The following CDH13 variants were observed in gnomAD, a reference collection of about 807,000 sequenced individuals.
The protein encoded by CDH13 is cadherin 13.
Under a neutral mutation model 63.8 loss-of-function variants are expected in CDH13, and 24 were observed. The ratio of observed to expected loss-of-function variants is 0.38; its 90% CI spans 0.27 to 0.53. The LOEUF (loss-of-function observed/expected upper bound fraction) is 0.53. CDH13 is among the 20% of genes least tolerant of loss of function. The probability of loss-of-function intolerance (pLI) is 0.85; values close to 1 mark genes in which losing one functional copy is unlikely to be tolerated. For missense variants in CDH13, 1,049 were observed against 903.1 expected (o/e 1.16, Z -2.07); for synonymous variants, 503 against 355.3 (o/e 1.42, Z -4.67).
intron 11 of CDH13, among the ~76,000 whole-genome samples, chr16:83,772,136 A>G (rs1374890718): frequency 6.6e-6 from 1 of 152,212 alleles, no homozygotes; most frequent in Non-Finnish European, 1.5e-5. Context: ...ATCCATGTAT[A>G]CAAATAGACT....
At chr16:82,955,151 A>G (rs931077888) in intron 2 of CDH13, among the ~76,000 whole-genome samples, 1 of 152,184 alleles carries the variant, frequency 6.6e-6, no homozygotes, top group African/African-American at 2.4e-5. Flanking sequence ...TTGCTAGGTT[A>G]TCGGCAACTC....
At chr16:83,140,685 C>T (rs1387458805) in intron 4 of CDH13, among the ~76,000 whole-genome samples, 1 of 152,178 alleles carries the variant, frequency 6.6e-6, no homozygotes, top group Non-Finnish European at 1.5e-5. Context: ...GAACTCCTGA[C>T]CTCAGGTGAT....
intron 2 of CDH13, among the ~76,000 whole-genome samples, chr16:82,922,786 C>T (rs1161769369): frequency 6.6e-6 from 1 of 152,174 alleles, no homozygotes; most frequent in Non-Finnish European, 1.5e-5. Context: ...TGGTGAGCCA[C>T]TAGCTAGTCT....
chr16:83,496,204 C>A (rs550469459), intron 7 of CDH13, among the ~76,000 whole-genome samples: 6 of 151,772 alleles, frequency 4.0e-5, no homozygotes, highest in Non-Finnish European at 7.4e-5. Context: ...ATCGCCAAGT[C>A]AATCCTAAGC....
intron 1 of CDH13, among the ~76,000 whole-genome samples, chr16:82,773,956 T>G (rs1222523240): frequency 2.0e-5 from 3 of 152,050 alleles, no homozygotes; most frequent in African/African-American, 7.2e-5. Context: ...GCTGATTTTT[T>G]GTGTTTTTGG....
chr16:83,272,402 G>T (rs762270642), intron 5 of CDH13, among the ~76,000 whole-genome samples: 1 of 152,206 alleles, frequency 6.6e-6, no homozygotes. Context: ...TCCAGGCAGA[G>T]TGAATATTTG....
At chr16:82,763,965 G>T (rs1293231997) in intron 1 of CDH13, among the ~76,000 whole-genome samples, 1 of 152,190 alleles carries the variant, frequency 6.6e-6, no homozygotes, top group African/African-American at 2.4e-5. Flanking sequence ...GAGCCACTGT[G>T]CCTGGCCATC....
At chr16:83,594,667 T>C (rs1168080885) in intron 7 of CDH13, among the ~76,000 whole-genome samples, 1 of 152,176 alleles carries the variant, frequency 6.6e-6, no homozygotes, top group Non-Finnish European at 1.5e-5. Context: ...GAGAGAGAGA[T>C]GGGGTACTGT....
chr16:82,900,679 A>G (rs2041435543), intron 2 of CDH13, among the ~76,000 whole-genome samples: 1 of 152,192 alleles, frequency 6.6e-6, no homozygotes, highest in African/African-American at 2.4e-5. Flanking sequence ...CCCCGAGGAG[A>G]CGGGAGGGAT....
chr16:83,501,298 A>G (rs2074277951), intron 7 of CDH13, among the ~76,000 whole-genome samples: 1 of 152,222 alleles, frequency 6.6e-6, no homozygotes, highest in African/African-American at 2.4e-5. Flanking sequence ...ATGGGCCTTA[A>G]AACTGGGAAC....
intron 5 of CDH13, among the ~76,000 whole-genome samples, chr16:83,224,019 T>G (rs1597549121): frequency 6.6e-6 from 1 of 152,208 alleles, no homozygotes; most frequent in African/African-American, 2.4e-5. Flanking sequence ...GTCCCCAAAG[T>G]CCATTGTATC....
intron 3 of CDH13, among the ~76,000 whole-genome samples, chr16:83,060,309 T>C (rs927831126): frequency 3.3e-5 from 5 of 152,054 alleles, no homozygotes; most frequent in South Asian, 2.1e-4. Context: ...AGCTGAAAAA[T>C]TGTGGATGTT....
At chr16:83,541,835 C>G (rs1261581447) in intron 7 of CDH13, among the ~76,000 whole-genome samples, 2 of 152,228 alleles carry the variant, frequency 1.3e-5, no homozygotes, top group Non-Finnish European at 2.9e-5. Context: ...AAGGTCTTCT[C>G]CTATGAGAAT....
rs1223758057 is a variant in CDH13 at position 83,780,163 on chromosome 16, C to G, written c.1877C>G (p.Ala626Gly). The G allele has an allele frequency of 6.2e-7, 1 of 1,609,214 alleles. No homozygotes were observed. Among genetic ancestry groups the G allele is most frequent in the Non-Finnish European group, 8.5e-7 (1 of 1,177,470 alleles). Residue 626 changes from alanine (A) to glycine (G), a missense_variant, in exon 12 of 14, where the codon GCT becomes GGT. Coordinates refer to ENST00000567109, the MANE Select transcript of CDH13 (RefSeq NM_001257.5). ...DPFKFEIHKQ[A>G]VPDKVWKISK... ...TTCAAATTTGAAATCCACAAACAAG[C>G]TGTTCCTGATAAAGTCTGGAAGATC...
At chr16:83,050,890 T>G (rs1464636606) in intron 3 of CDH13, among the ~76,000 whole-genome samples, 1 of 152,100 alleles carries the variant, frequency 6.6e-6, no homozygotes, top group Non-Finnish European at 1.5e-5. Context: ...CCCACCACCT[T>G]GTATTTGTCT....
At chr16:83,784,074 T>C (rs1194001027) in intron 13 of CDH13, among the ~76,000 whole-genome samples, 1 of 152,238 alleles carries the variant, frequency 6.6e-6, no homozygotes, top group Non-Finnish European at 1.5e-5. Flanking sequence ...ATATTCCTTA[T>C]TTATGAAATA....
At chr16:82,851,404 C>T (rs945645657) in intron 1 of CDH13, among the ~76,000 whole-genome samples, 1 of 145,780 alleles carries the variant, frequency 6.9e-6, no homozygotes, top group African/African-American at 2.5e-5. Flanking sequence ...CTCTGCACTC[C>T]AGCCTGGGTG....
intron 7 of CDH13, among the ~76,000 whole-genome samples, chr16:83,528,161 CAT>C (rs1326928801): frequency 6.6e-6 from 1 of 152,184 alleles, no homozygotes; most frequent in Non-Finnish European, 1.5e-5. Context: ...GATAACTAAA[CAT>C]ATTCAGCTTT....
chr16:83,004,889 G>C (rs1029556475), intron 2 of CDH13, among the ~76,000 whole-genome samples: 1 of 152,222 alleles, frequency 6.6e-6, no homozygotes, highest in African/African-American at 2.4e-5. Flanking sequence ...AGCATGGATG[G>C]AGATGGCACT....
Sources: gnomAD v4.1 joint callset for allele counts (sites outside exome capture counted in the v4.1 genomes callset) on GRCh38, gnomAD v4.1.1 for gene constraint, MANE v1.5 for transcripts, NCBI Gene and HGNC (gene_info 2026-07-23, HGNC 2026-07-21) for gene names.